The following CNGA1 variants were observed in gnomAD, a reference collection of about 807,000 sequenced individuals.
The protein encoded by CNGA1 is cyclic nucleotide gated channel subunit alpha 1.
In CNGA1, 53 loss-of-function variants were observed where a neutral mutation model predicts 69.7. That is an observed-to-expected ratio of 0.76 (90% CI 0.61 to 0.96). The LOEUF is 0.96. Among genes scored for constraint, CNGA1 ranks in the 40% least tolerant of loss-of-function variants. CNGA1 has a pLI of 0.00. For missense variants in CNGA1, 739 were observed against 811.2 expected, an observed-to-expected ratio of 0.91 and a Z score of 1.08; for synonymous variants, 249 against 283.5, an observed-to-expected ratio of 0.88 and a Z score of 1.22.
chr4:48,011,600 C>T (rs371015052), intron 1 of CNGA1, among the ~76,000 whole-genome samples: 7 of 152,298 alleles, frequency 4.6e-5, no homozygotes, highest in South Asian at 2.1e-4. Context: ...TGACACAGCC[C>T]TCAGGAGGTC....
At chr4:47,970,121 TG>T (rs1441470355) in intron 3 of CNGA1, among the ~76,000 whole-genome samples, 2 of 152,162 alleles carry the variant, frequency 1.3e-5, no homozygotes, top group African/African-American at 4.8e-5. Context: ...CCACAAAGGA[TG>T]GTTGCAGCAA....
rs745775503 is a variant in CNGA1 at position 47,943,149 on chromosome 4, C to T, written c.437+32G>A. 8 of 1,453,542 alleles carry T rather than the reference C, an allele frequency of 5.5e-6. 1 individual carries two copies. Among genetic ancestry groups the T allele is most frequent in the South Asian group, 2.3e-5 (2 of 86,218 alleles). 90.0% of individuals were successfully genotyped at this position (1,453,542 alleles called of 1,614,324 possible). On this transcript the variant is annotated intron_variant, in intron 8 of 10. Coordinates refer to ENST00000514170, the MANE Select transcript of CNGA1 (RefSeq NM_001379270.1). ...CTGCATCTAAAACCCATCACAATTT[C>T]CTTCTATTTCAATGCCACTAAAAGT...
intron 3 of CNGA1, among the ~76,000 whole-genome samples, chr4:47,971,263 T>C (rs1741010130): frequency 6.6e-6 from 1 of 151,890 alleles, no homozygotes; most frequent in Non-Finnish European, 1.5e-5. Flanking sequence ...TAACAGTGAT[T>C]GCCTCTGAGG....
chr4:47,950,102 G>A (rs1739652226), intron 5 of CNGA1, among the ~76,000 whole-genome samples: 1 of 152,124 alleles, frequency 6.6e-6, no homozygotes. Context: ...CTTGCCAAAT[G>A]CCAGTGTCTT....
chr4:48,009,508 G>A (rs1445145445), intron 2 of CNGA1, among the ~76,000 whole-genome samples: 1 of 145,336 alleles, frequency 6.9e-6, no homozygotes, highest in African/African-American at 2.5e-5. Flanking sequence ...ATGTAAACTT[G>A]AAAAAGCATT....
intron 10 of CNGA1, among the ~76,000 whole-genome samples, chr4:47,939,958 G>A (rs890447507): frequency 6.6e-6 from 1 of 152,164 alleles, no homozygotes; most frequent in Non-Finnish European, 1.5e-5. Context: ...CCCCTTCGAT[G>A]TGAAGCATAA....
At chr4:47,986,844 C>A (rs981043719) in intron 2 of CNGA1, among the ~76,000 whole-genome samples, 1 of 152,078 alleles carries the variant, frequency 6.6e-6, no homozygotes. Flanking sequence ...AGGAAAGGAA[C>A]TGAACTGGAA....
At chr4:48,004,642 T>C (rs1158882187) in intron 2 of CNGA1, among the ~76,000 whole-genome samples, 2 of 151,646 alleles carry the variant, frequency 1.3e-5, no homozygotes, top group Non-Finnish European at 2.9e-5. Context: ...AAAGAGAAAA[T>C]AGGAGGAGGA....
Position 47,936,918 on chromosome 4 carries a change from C to G in CNGA1, c.1564G>C (p.Val522Leu). The G allele has an allele frequency of 6.2e-7, 1 of 1,614,126 alleles. No homozygotes were observed. The highest frequency in any genetic ancestry group is 8.5e-7 in the Non-Finnish European group (1 of 1,179,996). Residue 522 changes from valine to leucine, a missense_variant, in exon 11 of 11, where the codon GTG becomes CTG. Physicochemically the swap from Val to Leu is conservative, Grantham distance 32. Coordinates refer to ENST00000514170, the MANE Select transcript of CNGA1 (RefSeq NM_001379270.1). ...TGAGTGACTCCATCATCTGCCACCACAGCGAGTTTGCCTTCCTTGATAATG... is the reference window on the plus strand; with the variant it reads ...TGAGTGACTCCATCATCTGCCACCAGAGCGAGTTTGCCTTCCTTGATAATG... Reference protein sequence around the residue: ...MYIIKEGKLAVVADDGVTQFV... With the variant: ...MYIIKEGKLALVADDGVTQFV...
chr4:47,962,658 T>C (rs1740515834), intron 3 of CNGA1, among the ~76,000 whole-genome samples: 2 of 152,184 alleles, frequency 1.3e-5, no homozygotes, highest in Non-Finnish European at 2.9e-5. Context: ...ATAGTAGTTA[T>C]GTGAACCAGA....
At chr4:47,987,993 AG>A (rs1264707088) in intron 2 of CNGA1, among the ~76,000 whole-genome samples, 5 of 152,226 alleles carry the variant, frequency 3.3e-5, no homozygotes, top group African/African-American at 1.2e-4. Flanking sequence ...AAGATAGATC[AG>A]GTGGAGAACA....
chr4:47,993,603 G>A (rs1010303593), intron 2 of CNGA1, among the ~76,000 whole-genome samples: 3 of 151,832 alleles, frequency 2.0e-5, no homozygotes, highest in Admixed American at 6.6e-5. Context: ...CTTGCTCATG[G>A]TCTATCAATT....
intron 3 of CNGA1, among the ~76,000 whole-genome samples, chr4:47,962,516 G>A (rs2352471): frequency 0.53 from 80,600 of 151,872 alleles, 23,105 homozygotes; most frequent in Non-Finnish European, 0.64. Context: ...CAGACATAAA[G>A]CACTCTATTC....
chr4:47,946,421 C>T (rs866741722), intron 6 of CNGA1, among the ~76,000 whole-genome samples: 2 of 152,216 alleles, frequency 1.3e-5, no homozygotes, highest in Admixed American at 1.3e-4. Context: ...ATAGCTCATA[C>T]TCACAGGGGA....
At chr4:47,941,524 G>A (rs1039570177) in intron 9 of CNGA1, among the ~76,000 whole-genome samples, 1 of 152,014 alleles carries the variant, frequency 6.6e-6, no homozygotes, top group Non-Finnish European at 1.5e-5. Flanking sequence ...TTTTCTCATA[G>A]GTCAAAGAAA....
In CNGA1 at chr4:48,012,721, A is replaced by T. The variant is rs569990918; in HGVS notation, c.-222-1828T>A. Among the ~76,000 whole-genome samples the T allele has an allele frequency of 4.6e-5, 7 of 151,932 alleles. No homozygotes were observed. The South Asian group carries it at 1.2e-3, about 27-fold the overall frequency. On this transcript the variant is annotated intron_variant, in intron 1 of 10. Coordinates refer to ENST00000514170, the MANE Select transcript of CNGA1 (RefSeq NM_001379270.1). The stretch of plus-strand genomic sequence containing the variant: ...GTTGATCAAACCCAATGGGAAAAAG[A>T]CCAAAACAACAATAAAAAACAGACA...
intron 2 of CNGA1, among the ~76,000 whole-genome samples, chr4:47,996,825 C>T (rs939306008): frequency 3.3e-5 from 5 of 151,918 alleles, no homozygotes; most frequent in Admixed American, 1.3e-4. Context: ...TTTGGGAGGC[C>T]GAGGTGAGTG....
intron 1 of CNGA1, among the ~76,000 whole-genome samples, chr4:48,014,405 C>T (rs1427928789): frequency 1.5e-5 from 2 of 137,396 alleles, no homozygotes; most frequent in Non-Finnish European, 3.3e-5. Flanking sequence ...AATTTTTTCT[C>T]TTTATTTTCA....
intron 3 of CNGA1, among the ~76,000 whole-genome samples, chr4:47,966,405 A>G (rs1448060809): frequency 6.6e-6 from 1 of 152,226 alleles, no homozygotes; most frequent in East Asian, 1.9e-4. Context: ...TTAACTATGT[A>G]TTAGTGGTTC....
Sources: allele counts gnomAD v4.1 joint callset (sites outside exome capture counted in the v4.1 genomes callset), GRCh38; gene constraint gnomAD v4.1.1; transcripts MANE v1.5; gene names NCBI Gene and HGNC (gene_info 2026-07-23, HGNC 2026-07-21).